The following BCKDHB variants were observed in gnomAD, a reference collection of about 807,000 sequenced individuals.
The protein encoded by BCKDHB is 2-oxoisovalerate dehydrogenase subunit beta, mitochondrial.
A neutral mutation model predicts 48.5 loss-of-function variants in BCKDHB; 41 were observed. That is an observed-to-expected ratio of 0.85 (90% confidence interval 0.66 to 1.10). The LOEUF is 1.10. BCKDHB is among the 50% of genes least tolerant of loss of function. BCKDHB has a pLI of 0.00. For synonymous variants in BCKDHB, 201 were observed against 174.8 expected (o/e 1.15, Z -1.18); for missense variants, 496 against 494.2 (o/e 1.00, Z -0.03).
chr6:80,448,307 G>C, the BCKDHB span, among the ~76,000 whole-genome samples: 96,749 of 152,146 alleles, frequency 0.64, 36,432 homozygotes, highest in East Asian at 0.84. Flanking sequence ...ACCAGAGATA[G>C]GTTTTAGGAT....
At chr6:80,390,978 C>A in the BCKDHB span, among the ~76,000 whole-genome samples, 1 of 152,062 alleles carries the variant, frequency 6.6e-6, no homozygotes, top group African/African-American at 2.4e-5. Context: ...AGTGGCCTAG[C>A]CTCCCAGCCC....
At chr6:80,439,494 T>G in the BCKDHB span, among the ~76,000 whole-genome samples, 1 of 152,176 alleles carries the variant, frequency 6.6e-6, no homozygotes, top group Non-Finnish European at 1.5e-5. Context: ...CTGAAGTAAG[T>G]AAGCATTTCT....
At chr6:80,425,623 G>T in the BCKDHB span, among the ~76,000 whole-genome samples, 1 of 152,196 alleles carries the variant, frequency 6.6e-6, no homozygotes, top group African/African-American at 2.4e-5. Flanking sequence ...TGAACACTTA[G>T]TCACCACAGC....
the BCKDHB span, among the ~76,000 whole-genome samples, chr6:80,427,042 G>A: frequency 6.6e-6 from 1 of 151,804 alleles, no homozygotes; most frequent in East Asian, 1.9e-4. Flanking sequence ...CAAACATTTA[G>A]GATTACATTC....
downstream of BCKDHB, among the ~76,000 whole-genome samples, chr6:80,350,917 C>G (rs1398787388): frequency 6.6e-6 from 1 of 152,120 alleles, no homozygotes; most frequent in African/African-American, 2.4e-5. Context: ...CAACAAATTC[C>G]ACAGAACCTA....
intron 6 of BCKDHB, among the ~76,000 whole-genome samples, chr6:80,195,127 G>A (rs1281456855): frequency 6.6e-6 from 1 of 152,012 alleles, no homozygotes; most frequent in Non-Finnish European, 1.5e-5. Context: ...CTTCTAATTA[G>A]ATGGTATCTT....
rs554732665 is a variant in BCKDHB, at chr6:80,184,609, A to C, written c.742+13219A>C. Among the ~76,000 whole-genome samples the C allele has an allele frequency of 2.6e-5, 4 of 152,212 alleles. No homozygotes were observed. In the South Asian group the frequency reaches 8.3e-4, roughly 32 times the overall value. ...TTCAAGATTTAGAACTCCTTTTAGA[A>C]GTTCTTGTAGTGCTAGCTTGGTAGT... is the stretch of plus-strand genomic sequence containing the variant. On this transcript the variant is annotated intron_variant, in intron 6 of 9. Transcript: ENST00000320393.
intron 1 of BCKDHB, among the ~76,000 whole-genome samples, chr6:80,123,786 C>T (rs558157759): frequency 6.6e-6 from 1 of 152,030 alleles, no homozygotes; most frequent in Non-Finnish European, 1.5e-5. Flanking sequence ...TCTCTGTTTT[C>T]TTCTTTATTA....
the BCKDHB span, among the ~76,000 whole-genome samples, chr6:80,456,147 G>A: frequency 2.0e-5 from 3 of 151,756 alleles, no homozygotes; most frequent in South Asian, 2.1e-4. Flanking sequence ...CCCTGGAGGC[G>A]GAGGTTGCAG....
chr6:80,383,190 A>C, the BCKDHB span, among the ~76,000 whole-genome samples: 1 of 152,174 alleles, frequency 6.6e-6, no homozygotes, highest in African/African-American at 2.4e-5. Flanking sequence ...TTAGGGTTGC[A>C]TATCTTCGAT....
chr6:80,307,746 T>G (rs1767950740), intron 9 of BCKDHB: 5 of 982,332 alleles, frequency 5.1e-6, no homozygotes, highest in Non-Finnish European at 6.0e-6. Context: ...TTGTCAGATT[T>G]ATTTTAGTAG....
chr6:80,412,822 A>G, the BCKDHB span, among the ~76,000 whole-genome samples: 27 of 152,048 alleles, frequency 1.8e-4, no homozygotes, highest in African/African-American at 5.3e-4. Context: ...TTTACTTTCA[A>G]TTTTTTGAGT....
intron 9 of BCKDHB, among the ~76,000 whole-genome samples, chr6:80,311,103 G>T (rs555416129): frequency 7.2e-5 from 11 of 152,116 alleles, no homozygotes; most frequent in Non-Finnish European, 1.6e-4. Context: ...GATCTTTCCC[G>T]TGCTGTTCTC....
intron 3 of BCKDHB, among the ~76,000 whole-genome samples, chr6:80,154,489 GATCTT>G (rs1771942615): frequency 6.6e-6 from 1 of 152,014 alleles, no homozygotes; most frequent in African/African-American, 2.4e-5. Context: ...ATTCATTAAA[GATCTT>G]ATCTAAGTTG....
intron 8 of BCKDHB, among the ~76,000 whole-genome samples, chr6:80,216,419 A>G (rs1775174464): frequency 6.6e-6 from 1 of 152,220 alleles, no homozygotes; most frequent in African/African-American, 2.4e-5. Context: ...TACACCTTGT[A>G]AATCACACTA....
At position 80,310,219 on chromosome 6, in the gene BCKDHB, C is replaced by G. The variant is rs562452625; in HGVS notation, c.1039-33445C>G. ...ATCACCCAAGTATTAAGCCCAGCAT[C>G]TATTAGCTATTCTTCTTGATGCTCT... On this transcript the variant is annotated intron_variant, in intron 9 of 9. Coordinates refer to ENST00000320393, the MANE Select transcript of BCKDHB (RefSeq NM_183050.4). Among the ~76,000 whole-genome samples the G allele has an allele frequency of 2.0e-5, 3 of 152,252 alleles. No individual in the cohort carries two copies. In the East Asian group the frequency reaches 5.8e-4, roughly 29 times the overall value.
At chr6:80,412,398 C>T in the BCKDHB span, among the ~76,000 whole-genome samples, 82 of 152,170 alleles carry the variant, frequency 5.4e-4, no homozygotes, top group African/African-American at 1.6e-3. Context: ...CCACCTGTCT[C>T]GGCCTCCCAG....
At chr6:80,248,902 A>ATGTGTGTGTGTGTGTGTGTGTATGTG (rs1776722521) in intron 8 of BCKDHB, among the ~76,000 whole-genome samples, 2 of 146,686 alleles carry the variant, frequency 1.4e-5, no homozygotes, top group African/African-American at 5.0e-5. Context: ...GTGTGTGTGT[A>ATGTGTGTGTGTGTGTGTGTGTATGTG]TGTGTGTGTG....
chr6:80,206,209 G>A (rs1277577938), intron 8 of BCKDHB, among the ~76,000 whole-genome samples: 1 of 152,038 alleles, frequency 6.6e-6, no homozygotes, highest in African/African-American at 2.4e-5. Flanking sequence ...ACCAGATGTA[G>A]ACCAGGTCAT....
Sources: gnomAD v4.1 joint callset for allele counts (sites outside exome capture counted in the v4.1 genomes callset) on GRCh38, gnomAD v4.1.1 for gene constraint, MANE v1.5 for transcripts, NCBI Gene and HGNC (gene_info 2026-07-23, HGNC 2026-07-21) for gene names.